UXS1: variants seen among roughly 807,000 people sequenced by gnomAD.
UXS1 encodes the protein UDP-glucuronate decarboxylase 1, also known as UDP-glucuronic acid decarboxylase 1.
Under a neutral mutation model 62.6 loss-of-function variants are expected in UXS1, and 33 were observed. The ratio of observed to expected loss-of-function variants is 0.53; its 90% confidence interval spans 0.40 to 0.70. The LOEUF is 0.70. Among genes scored for constraint, UXS1 ranks in the 30% least tolerant of loss-of-function variants. The pLI is 0.00. For synonymous variants in UXS1, 213 were observed against 206.8 expected (o/e 1.03, Z -0.26); for missense variants, 434 against 556.3 (o/e 0.78, Z 2.21).
intron 9 of UXS1, among the ~76,000 whole-genome samples, chr2:106,121,349 A>C (rs1444030173): frequency 1.3e-5 from 2 of 152,256 alleles, no homozygotes; most frequent in African/African-American, 4.8e-5. Flanking sequence ...ATAATCATTT[A>C]ATGAAAACTA....
In UXS1 at chr2:106,187,437, T is replaced by C. The variant is rs1384782147; in HGVS notation, c.94+6711A>G. The stretch of plus-strand genomic sequence containing the variant: ...CATCCTCCAAGGCAGAGGCTAACAA[T>C]TGTGTCCCGAATGAATTTATGAGGG... On this transcript the variant is annotated intron_variant, in intron 1 of 14. Transcript: ENST00000283148. Among the ~76,000 whole-genome samples, 5 of 152,290 alleles carry C rather than the reference T, an allele frequency of 3.3e-5. No homozygotes were observed. The East Asian group carries it at 9.6e-4, about 29-fold the overall frequency.
At chr2:106,171,461 T>G (rs1472576801) in intron 1 of UXS1, among the ~76,000 whole-genome samples, 1 of 152,204 alleles carries the variant, frequency 6.6e-6, no homozygotes, top group Non-Finnish European at 1.5e-5. Flanking sequence ...AAAGCACATG[T>G]GAAATTGTGT....
intron 10 of UXS1, 135 bp downstream of exon 10, chr2:106,112,511 A>G (rs1678700799): frequency 2.2e-6 from 3 of 1,369,168 alleles, no homozygotes; most frequent in Non-Finnish European, 2.9e-6. Flanking sequence ...CCTTCCCCTT[A>G]GTGGAGGGTA....
chr2:106,096,774 G>T lies in UXS1; in HGVS notation c.1090C>A (p.Gln364Lys). The stretch of plus-strand genomic sequence containing the variant: ...TTTTTGATGTCTGGTTTTCTTTTCT[G>T]TGGGTCATCCTGGGCTTCGGAGAGA... ...QFLSEAQDDPQKRKPDIKKAK... is the reference protein window; with the variant it reads ...QFLSEAQDDPKKRKPDIKKAK... Residue 364 changes from glutamine (Q) to lysine (K), a missense_variant, in exon 14 of 15, where the codon CAG becomes AAG. This residue lies in a region of UXS1 where 209 missense variants were observed against 233.3 expected (regional missense o/e 0.90). Coordinates refer to ENST00000283148, the MANE Select transcript of UXS1 (RefSeq NM_001253875.2). The T allele has an allele frequency of 6.3e-7, 1 of 1,593,804 alleles. No individual in the cohort carries two copies. Among genetic ancestry groups the T allele is most frequent in the Non-Finnish European group, 8.6e-7 (1 of 1,168,838 alleles).
intron 13 of UXS1, 69 bp from the exon 14 acceptor site, chr2:106,096,890 C>T: frequency 1.4e-6 from 2 of 1,449,276 alleles, no homozygotes; most frequent in South Asian, 1.2e-5. Flanking sequence ...CCTTACCATC[C>T]ACATCAAAGG....
chr2:106,120,492 A>AG (rs1679437672), intron 9 of UXS1, among the ~76,000 whole-genome samples: 1 of 152,214 alleles, frequency 6.6e-6, no homozygotes, highest in Admixed American at 6.5e-5. Flanking sequence ...GTGCCCCCAG[A>AG]GGTGGGCCTT....
chr2:106,128,911 C>CA (rs1680197660), intron 7 of UXS1, among the ~76,000 whole-genome samples: 1 of 152,278 alleles, frequency 6.6e-6, no homozygotes, highest in Admixed American at 6.5e-5. Flanking sequence ...TTAAATGTTC[C>CA]TATACTTAAA....
At chr2:106,157,830 T>C (rs545786731) in intron 5 of UXS1, among the ~76,000 whole-genome samples, 1 of 152,274 alleles carries the variant, frequency 6.6e-6, no homozygotes, top group Admixed American at 6.5e-5. Context: ...TTCCCAGAGC[T>C]GGCGGGAGGG....
At chr2:106,152,052 T>C (rs1440306725) in intron 5 of UXS1, among the ~76,000 whole-genome samples, 2 of 152,224 alleles carry the variant, frequency 1.3e-5, no homozygotes, top group African/African-American at 4.8e-5. Context: ...TCTTGTAGAA[T>C]TGCAGTGTAA....
chr2:106,162,148 T>C (rs532588704), intron 4 of UXS1, among the ~76,000 whole-genome samples: 7 of 152,288 alleles, frequency 4.6e-5, no homozygotes, highest in Admixed American at 4.6e-4. Context: ...CTGACCAACC[T>C]GAAGGACGGA....
At chr2:106,106,385 C>T (rs537137594) in intron 10 of UXS1, among the ~76,000 whole-genome samples, 162 of 138,540 alleles carry the variant, frequency 1.2e-3, no homozygotes, top group African/African-American at 4.0e-3. Context: ...AAAAAAAGCA[C>T]ATGCATCAAA....
intron 1 of UXS1, among the ~76,000 whole-genome samples, chr2:106,172,652 T>C (rs1220102147): frequency 6.6e-6 from 1 of 152,156 alleles, no homozygotes; most frequent in African/African-American, 2.4e-5. Flanking sequence ...GCCACAGGTC[T>C]GTACTTCAGA....
At chr2:106,147,560 G>A (rs1681672417) in intron 5 of UXS1, among the ~76,000 whole-genome samples, 1 of 152,170 alleles carries the variant, frequency 6.6e-6, no homozygotes, top group African/African-American at 2.4e-5. Context: ...TCCAGCCTGT[G>A]TGACAGAGAG....
intron 9 of UXS1, among the ~76,000 whole-genome samples, chr2:106,113,691 C>T (rs6543375): frequency 0.85 from 129,284 of 152,212 alleles, 55,601 homozygotes; most frequent in Non-Finnish European, 0.93. Context: ...GTTTGATCCA[C>T]TGCAGAACAA....
intron 6 of UXS1, chr2:106,138,449 C>T: frequency 1.0e-6 from 1 of 985,470 alleles, no homozygotes; most frequent in Non-Finnish European, 1.2e-6. Context: ...CCCCCTCGGT[C>T]ACCCACAAAT....
At chr2:106,175,991 A>G (rs1419343463) in intron 1 of UXS1, among the ~76,000 whole-genome samples, 1 of 152,174 alleles carries the variant, frequency 6.6e-6, no homozygotes, top group East Asian at 1.9e-4. Flanking sequence ...CAGCCCTCAA[A>G]TCAAGCCAAA....
chr2:106,123,296 AG>A (rs11325302), intron 8 of UXS1, among the ~76,000 whole-genome samples: 121,654 of 149,128 alleles, frequency 0.82, 50,438 homozygotes, highest in Non-Finnish European at 0.91. Flanking sequence ...TTTTACTTAC[AG>A]GGGAAAAAAA....
intron 9 of UXS1, among the ~76,000 whole-genome samples, chr2:106,120,103 A>AG (rs1350865889): frequency 1.3e-5 from 2 of 152,196 alleles, no homozygotes; most frequent in African/African-American, 2.4e-5. Context: ...ATGAGTATTC[A>AG]GGTACCAATT....
intron 7 of UXS1, among the ~76,000 whole-genome samples, chr2:106,127,789 T>C (rs1680086505): frequency 2.0e-5 from 3 of 152,200 alleles, no homozygotes; most frequent in Admixed American, 6.5e-5. Context: ...CCTTTGCCTT[T>C]TGTATCTCTC....
Sources: gnomAD v4.1 joint callset for allele counts (sites outside exome capture counted in the v4.1 genomes callset) on GRCh38, gnomAD v4.1.1 for gene constraint, gnomAD v4.1.1 regional missense constraint, MANE v1.5 for transcripts, NCBI Gene and HGNC (gene_info 2026-07-23, HGNC 2026-07-21) for gene names.